Variants in GSTA4 observed in about 807,000 individuals in gnomAD.
GSTA4 encodes glutathione S-transferase A4.
GSTA4 carries 15 observed loss-of-function variants against 24.4 expected under a neutral mutation model. The observed-to-expected ratio is 0.61, with a 90% CI of 0.41 to 0.95. GSTA4 has a LOEUF of 0.95. Ranked by LOEUF, GSTA4 falls within the 40% of genes least tolerant of loss-of-function variation. The pLI is 0.00. For synonymous variants in GSTA4, 92 were observed against 94.2 expected (o/e 0.98, Z 0.13); for missense variants, 244 against 262.1 (o/e 0.93, Z 0.48).
At chr6:52,993,994 T>C (rs1410800285) in intron 2 of GSTA4, 163 bp downstream of exon 2, 3 of 701,512 alleles carry the variant, frequency 4.3e-6, no homozygotes, top group East Asian at 2.7e-5. Flanking sequence ...TACGTTCTAA[T>C]TATAAAGAAA....
chr6:52,984,342 C>A, intron 5 of GSTA4, 122 bp downstream of exon 5: 2 of 866,488 alleles, frequency 2.3e-6, no homozygotes, highest in South Asian at 3.3e-5. Flanking sequence ...AGTCCATTAG[C>A]GCTTAGGTTA....
intron 2 of GSTA4, 50 bp from the exon 3 acceptor site, chr6:52,987,458 G>T: frequency 1.0e-6 from 1 of 987,900 alleles, no homozygotes; most frequent in Non-Finnish European, 1.6e-6. Flanking sequence ...ATATTATTCA[G>T]CCATTAAGAA....
rs763138242 is a variant in GSTA4 at position 52,987,432 on chromosome 6, A to G, written c.88-24T>C. ...AACTAAATTTTTAAAAAAGAAACGT[A>G]TATATACATAGTGGAATATTATTCA... On this transcript the variant is annotated intron_variant, in intron 2 of 6. Coordinates refer to ENST00000370963, the MANE Select transcript of GSTA4 (RefSeq NM_001512.4). 6.9e-5 allele frequency: 83 copies of G among 1,205,976 alleles called. 1 individual carries two copies. The highest frequency in any genetic ancestry group is 1.5e-5 in the African/African-American group (1 of 66,254). 74.7% of individuals were successfully genotyped at this position (1,205,976 alleles called of 1,614,324 possible). A position where few individuals can be genotyped will look rare whatever the true frequency, so the allele number is the denominator to read the frequency against.
At chr6:52,982,841 A>T (rs1763478082) in intron 5 of GSTA4, 136 bp from the exon 6 acceptor site, 4 of 694,274 alleles carry the variant, frequency 5.8e-6, no homozygotes, top group Non-Finnish European at 9.9e-6. Flanking sequence ...ACATCAATTA[A>T]GAGAACGCAC....
rs1763580128 is a variant in GSTA4, at chr6:52,987,293, A to G, written c.139+64T>C. On this transcript the variant is annotated intron_variant, in intron 3 of 6. Transcript: ENST00000370963. The stretch of plus-strand genomic sequence containing the variant: ...TGTCATTGAATACTTTTGCCCTTCC[A>G]CATAAACAGCAGCTCTTAAAGGAAA... 3.4e-5 allele frequency: 35 copies of G among 1,017,934 alleles called. 1 individual carries two copies. In the South Asian group the frequency reaches 4.6e-4, roughly 13 times the overall value. 63.1% of individuals were successfully genotyped at this position (1,017,934 alleles called of 1,614,324 possible). A position where few individuals can be genotyped will look rare whatever the true frequency, so the allele number is the denominator to read the frequency against.
intron 2 of GSTA4, 81 bp downstream of exon 2, chr6:52,994,076 A>G: frequency 1.1e-6 from 1 of 928,914 alleles, no homozygotes; most frequent in Non-Finnish European, 1.8e-6. Context: ...CTAGAACTGA[A>G]CGGTGCTTCA....
chr6:52,983,803 C>A (rs546312835), intron 5 of GSTA4, among the ~76,000 whole-genome samples: 1 of 152,292 alleles, frequency 6.6e-6, no homozygotes, highest in African/African-American at 2.4e-5. Context: ...AACCTAGCTA[C>A]AGAAACCCCA....
In GSTA4 at chr6:52,984,574, G is replaced by T; in HGVS notation, c.304C>A (p.Leu102Met). ...GGATGCATGATAAGCAGTTCCAGCA[G>T]ATCCAGTGTCCCCTCCACGTACATG... ...IDMYVEGTLDLLELLIMHPFL... is the reference protein window; with the variant it reads ...IDMYVEGTLDMLELLIMHPFL... The change falls in exon 5 of 7, where the codon CTG becomes ATG. Residue 102 changes from leucine to methionine, a missense_variant. Leu to Met is a conservative substitution (Grantham distance 15, BLOSUM62 2). Coordinates refer to ENST00000370963, the MANE Select transcript of GSTA4 (RefSeq NM_001512.4). The T allele has an allele frequency of 1.2e-6, 2 of 1,613,342 alleles. No homozygotes were observed. Among genetic ancestry groups the T allele is most frequent in the Non-Finnish European group, 8.5e-7 (1 of 1,179,444 alleles).
At chr6:52,979,567 A>G (rs961242833) in intron 6 of GSTA4, among the ~76,000 whole-genome samples, 3 of 152,260 alleles carry the variant, frequency 2.0e-5, no homozygotes, top group Admixed American at 6.5e-5. Context: ...TGATCTAATG[A>G]AAAATCTGAA....
chr6:52,982,767 G>GA (rs1245945937), intron 5 of GSTA4, 62 bp from the exon 6 acceptor site: 1 of 1,251,946 alleles, frequency 8.0e-7, no homozygotes, highest in East Asian at 2.3e-5. Flanking sequence ...TGAGGCTATT[G>GA]AATCAGTGCA....
At position 52,984,617 on chromosome 6, in the gene GSTA4, A is replaced by G. The variant is rs757298822; in HGVS notation, c.273-12T>C. ...CGTACATGTCAATCCTTAAAACAAAAAAGCAGTTGTCTCAGTTTCTCCTCT... is the reference window on the plus strand; with the variant it reads ...CGTACATGTCAATCCTTAAAACAAAGAAGCAGTTGTCTCAGTTTCTCCTCT... On this transcript the variant is annotated splice_polypyrimidine_tract_variant and intron_variant, in intron 4 of 6. Coordinates refer to ENST00000370963, the MANE Select transcript of GSTA4 (RefSeq NM_001512.4). 6.2e-7 allele frequency: 1 copy of G among 1,611,252 alleles called. No homozygotes were observed. Among genetic ancestry groups the G allele is most frequent in the Non-Finnish European group, 8.5e-7 (1 of 1,178,760 alleles).
chr6:52,984,598 T>C lies in GSTA4; in HGVS notation c.280A>G (p.Met94Val), dbSNP rs777970996. The part of the protein sequence containing the change: ...KNLKERTLID[M>V]YVEGTLDLLE... ...AGATCCAGTGTCCCCTCCACGTACA[T>C]GTCAATCCTTAAAACAAAAAAGCAG... The change falls in exon 5 of 7, where the codon ATG becomes GTG. Residue 94 changes from methionine (M) to valine (V), a missense_variant. Physicochemically the swap from Met to Val is conservative, Grantham distance 21 (BLOSUM62 1). Transcript: ENST00000370963. 2 of 1,612,716 alleles carry C rather than the reference T, an allele frequency of 1.2e-6. No homozygotes were observed. The highest frequency in any genetic ancestry group is 1.1e-5 in the South Asian group (1 of 90,752).
At chr6:52,988,362 GA>G (rs1763602965) in intron 2 of GSTA4, among the ~76,000 whole-genome samples, 1 of 151,800 alleles carries the variant, frequency 6.6e-6, no homozygotes, top group Non-Finnish European at 1.5e-5. Context: ...ATGATAAAGG[GA>G]AAGTGTCGAT....
rs1561984289 is a variant in GSTA4 at position 52,984,577 on chromosome 6, C to T, written c.301G>A (p.Asp101Asn). 1 of 1,613,600 alleles carries T rather than the reference C, an allele frequency of 6.2e-7. No homozygotes were observed. The highest frequency in any genetic ancestry group is 1.7e-5 in the Admixed American group (1 of 59,996). Residue 101 changes from aspartate to asparagine, a missense_variant, in exon 5 of 7, where the codon GAT becomes AAT. Asp to Asn is a conservative substitution (Grantham distance 23). Coordinates refer to ENST00000370963, the MANE Select transcript of GSTA4 (RefSeq NM_001512.4). ...LIDMYVEGTLDLLELLIMHPF... is the reference protein window; with the variant it reads ...LIDMYVEGTLNLLELLIMHPF... The stretch of plus-strand genomic sequence containing the variant: ...TGCATGATAAGCAGTTCCAGCAGAT[C>T]CAGTGTCCCCTCCACGTACATGTCA...
At chr6:52,982,884 G>GGAGA (rs3063729) in intron 5 of GSTA4, among the ~76,000 whole-genome samples, 179 bp from the exon 6 acceptor site, 2 of 148,250 alleles carry the variant, frequency 1.3e-5, no homozygotes, top group African/African-American at 5.0e-5. Flanking sequence ...AGAGAGAGGG[G>GGAGA]GAGAGAGAGA....
At chr6:52,986,313 C>G (rs938266795) in intron 3 of GSTA4, among the ~76,000 whole-genome samples, 1 of 152,190 alleles carries the variant, frequency 6.6e-6, no homozygotes, top group African/African-American at 2.4e-5. Flanking sequence ...TCACATTTGC[C>G]TAGTGGCTAC....
rs9370169 is a variant in GSTA4, at chr6:52,978,755, C to A, written c.547-163G>T. 5.9e-5 allele frequency among the ~76,000 whole-genome samples: 9 copies of A among 152,018 alleles called. 1 individual carries two copies. The highest frequency in any genetic ancestry group is 2.0e-4 in the Admixed American group (3 of 15,280). On this transcript the variant is annotated intron_variant, in intron 6 of 6. Transcript: ENST00000370963. ...CATTTGTTTAGCAGGGGTGTCCAATCTTTTGGCTTCACTGGGCCACACATA... is the reference window on the plus strand; with the variant it reads ...CATTTGTTTAGCAGGGGTGTCCAATATTTTGGCTTCACTGGGCCACACATA...
At chr6:52,992,964 G>A (rs1316643551) in intron 2 of GSTA4, among the ~76,000 whole-genome samples, 1 of 152,072 alleles carries the variant, frequency 6.6e-6, no homozygotes, top group Non-Finnish European at 1.5e-5. Flanking sequence ...TTAGCTGGTC[G>A]TGGTGGTGTG....
Position 52,978,058 on chromosome 6 carries a change from A to G in GSTA4, c.*412T>C, listed in dbSNP as rs1763378744. On this transcript the variant is annotated 3_prime_UTR_variant, in exon 7 of 7. Coordinates refer to ENST00000370963, the MANE Select transcript of GSTA4 (RefSeq NM_001512.4). Reference sequence around the variant, plus strand: ...GTCATTTACTAGACATTCGGTTGTTATTAAACACTAAAAATTAGGCAGAGA... The same window carrying G: ...GTCATTTACTAGACATTCGGTTGTTGTTAAACACTAAAAATTAGGCAGAGA... 1 of 160,720 alleles carries G rather than the reference A, an allele frequency of 6.2e-6. No homozygotes were observed. Among genetic ancestry groups the G allele is most frequent in the African/African-American group, 2.4e-5 (1 of 41,556 alleles). The allele number at this position is 160,720 out of a possible 1,614,324, so 10.0% of individuals were successfully genotyped here.
Sources: allele counts gnomAD v4.1 joint callset (sites outside exome capture counted in the v4.1 genomes callset), GRCh38; gene constraint gnomAD v4.1.1; transcripts MANE v1.5; gene names NCBI Gene and HGNC (gene_info 2026-07-23, HGNC 2026-07-21).